Variants in BMPR1B observed in about 807,000 individuals in gnomAD.
The protein encoded by BMPR1B is bone morphogenetic protein receptor type 1B.
BMPR1B carries 12 observed loss-of-function variants against 59.1 expected under a neutral mutation model. That is an observed-to-expected ratio of 0.20 (90% CI 0.13 to 0.33). The LOEUF is 0.33. Ranked by LOEUF, BMPR1B falls within the 10% of genes least tolerant of loss-of-function variation. The probability of loss-of-function intolerance (pLI) is 1.00; values close to 1 mark genes in which losing one functional copy is unlikely to be tolerated. For synonymous variants in BMPR1B, 237 were observed against 207.3 expected (o/e 1.14, Z -1.23); for missense variants, 550 against 610.9 (o/e 0.90, Z 1.05).
rs751718073 is a variant in BMPR1B, at chr4:95,018,469, G to A, written c.-18+22335G>A. Among the ~76,000 whole-genome samples the A allele has an allele frequency of 1.3e-4, 20 of 152,068 alleles. 1 individual carries two copies. The highest frequency in any genetic ancestry group is 2.6e-4 in the Non-Finnish European group (18 of 68,020). On this transcript the variant is annotated intron_variant, in intron 3 of 12. Coordinates refer to ENST00000515059, the MANE Select transcript of BMPR1B (RefSeq NM_001203.3). ...ATAAAGTGCTATTTAGTAGCTAGGG[G>A]GATGTTAGTTACCCTTAACCACACA...
chr4:95,051,939 G>T (rs1726536334), intron 3 of BMPR1B, among the ~76,000 whole-genome samples: 1 of 150,206 alleles, frequency 6.7e-6, no homozygotes, highest in Admixed American at 6.7e-5. Context: ...CTCTATTATG[G>T]CAAGGCTTTC....
intron 2 of BMPR1B, among the ~76,000 whole-genome samples, chr4:94,931,219 G>A (rs1729080722): frequency 6.6e-6 from 1 of 151,950 alleles, no homozygotes; most frequent in Admixed American, 6.6e-5. Flanking sequence ...AAAAACTTGG[G>A]CCTGTTATTT....
At chr4:94,958,506 C>A (rs1053027875) in intron 2 of BMPR1B, among the ~76,000 whole-genome samples, 5 of 152,090 alleles carry the variant, frequency 3.3e-5, no homozygotes, top group Admixed American at 6.6e-5. Flanking sequence ...CATCATTGTC[C>A]CTCTATGAGT....
intron 2 of BMPR1B, among the ~76,000 whole-genome samples, chr4:94,956,355 A>G (rs1245139974): frequency 6.6e-6 from 1 of 152,124 alleles, no homozygotes; most frequent in Non-Finnish European, 1.5e-5. Context: ...TTTTAAATAA[A>G]AATTGTTTTT....
chr4:94,798,530 C>T (rs1723279181), intron 1 of BMPR1B, among the ~76,000 whole-genome samples: 2 of 152,212 alleles, frequency 1.3e-5, no homozygotes, highest in African/African-American at 4.8e-5. Flanking sequence ...TGATCACATC[C>T]AGCCTCTTAA....
intron 1 of BMPR1B, among the ~76,000 whole-genome samples, chr4:94,868,429 C>T (rs13144015): frequency 0.2 from 31,038 of 152,142 alleles, 3,272 homozygotes; most frequent in South Asian, 0.32. Flanking sequence ...CCTCGGCCTC[C>T]CAAAGTGCTG....
intron 6 of BMPR1B, among the ~76,000 whole-genome samples, chr4:95,116,124 C>T (rs1018414749): frequency 6.6e-6 from 1 of 152,110 alleles, no homozygotes. Flanking sequence ...CACCCAAAAA[C>T]TACCATTTGT....
At chr4:94,821,316 G>A (rs1173812235) in intron 1 of BMPR1B, among the ~76,000 whole-genome samples, 1 of 152,102 alleles carries the variant, frequency 6.6e-6, no homozygotes, top group African/African-American at 2.4e-5. Context: ...TAAGGGGTAA[G>A]TTTTATTTAA....
intron 1 of BMPR1B, among the ~76,000 whole-genome samples, chr4:94,775,871 C>A (rs1210378757): frequency 6.6e-6 from 1 of 152,122 alleles, no homozygotes; most frequent in Admixed American, 6.5e-5. Context: ...GCGGGCAGAT[C>A]GTGAGGACAG....
At chr4:95,042,241 A>G (rs920354902) in intron 3 of BMPR1B, among the ~76,000 whole-genome samples, 5 of 152,210 alleles carry the variant, frequency 3.3e-5, no homozygotes, top group African/African-American at 1.2e-4. Context: ...ACGGTATGTC[A>G]TAATTTTTAC....
intron 1 of BMPR1B, among the ~76,000 whole-genome samples, chr4:94,841,270 T>C (rs1370469923): frequency 6.9e-6 from 1 of 144,912 alleles, no homozygotes; most frequent in Non-Finnish European, 1.5e-5. Context: ...GCAGGCCTCC[T>C]TGAGCTGTGT....
intron 1 of BMPR1B, among the ~76,000 whole-genome samples, chr4:94,821,261 A>G (rs963079196): frequency 6.6e-6 from 1 of 152,186 alleles, no homozygotes; most frequent in Non-Finnish European, 1.5e-5. Flanking sequence ...GCAGCCTACT[A>G]ATTGAAAACA....
At chr4:94,872,373 A>G (rs899745953) in intron 1 of BMPR1B, among the ~76,000 whole-genome samples, 2 of 152,252 alleles carry the variant, frequency 1.3e-5, no homozygotes, top group African/African-American at 4.8e-5. Context: ...TAAACCCAGA[A>G]GCAATAGAGT....
chr4:95,136,914 G>T (rs1269871269), intron 10 of BMPR1B, among the ~76,000 whole-genome samples: 1 of 152,066 alleles, frequency 6.6e-6, no homozygotes, highest in East Asian at 1.9e-4. Context: ...ACCTCCTTCA[G>T]TTCTGCTCTG....
chr4:94,966,871 T>G (rs1730574302), intron 2 of BMPR1B, among the ~76,000 whole-genome samples: 1 of 152,192 alleles, frequency 6.6e-6, no homozygotes, highest in Admixed American at 6.5e-5. Context: ...CAGGAAAATT[T>G]TCATTAACAC....
chr4:95,019,938 G>A (rs1483889424), intron 3 of BMPR1B, among the ~76,000 whole-genome samples: 1 of 152,060 alleles, frequency 6.6e-6, no homozygotes, highest in Non-Finnish European at 1.5e-5. Context: ...GCCAATATTG[G>A]TACCTTGATA....
intron 3 of BMPR1B, among the ~76,000 whole-genome samples, chr4:95,023,026 A>G (rs1412794268): frequency 6.6e-6 from 1 of 152,132 alleles, no homozygotes; most frequent in African/African-American, 2.4e-5. Flanking sequence ...TGGTTTCTTT[A>G]TTTCCAGAAA....
intron 3 of BMPR1B, among the ~76,000 whole-genome samples, chr4:95,022,917 G>T (rs1190484377): frequency 6.6e-6 from 1 of 152,152 alleles, no homozygotes; most frequent in African/African-American, 2.4e-5. Context: ...CTGTGCTGTG[G>T]ATCACCAATA....
At chr4:94,863,449 A>G (rs1337848229) in intron 1 of BMPR1B, among the ~76,000 whole-genome samples, 4 of 152,236 alleles carry the variant, frequency 2.6e-5, no homozygotes. Flanking sequence ...AAAGTGGGAC[A>G]GTGAACACTG....
Sources: gnomAD v4.1 joint callset for allele counts (sites outside exome capture counted in the v4.1 genomes callset) on GRCh38, gnomAD v4.1.1 for gene constraint, MANE v1.5 for transcripts, NCBI Gene and HGNC (gene_info 2026-07-23, HGNC 2026-07-21) for gene names.